HEXD: variants seen among roughly 807,000 people sequenced by gnomAD.
The protein encoded by HEXD is N-acetyl-beta-galactosaminidase.
Under a neutral mutation model 54.2 loss-of-function variants are expected in HEXD, and 47 were observed. The observed-to-expected ratio is 0.87, with a 90% CI of 0.69 to 1.11. HEXD has a LOEUF of 1.11. HEXD is among the 50% of genes least tolerant of loss of function. The probability of loss-of-function intolerance (pLI) is 0.00; values close to 1 mark genes in which losing one functional copy is unlikely to be tolerated. For synonymous variants in HEXD, 293 were observed against 287.6 expected (o/e 1.02, Z -0.19); for missense variants, 576 against 649.2 (o/e 0.89, Z 1.23).
rs1030094107 is a variant in HEXD, at chr17:82,419,731, C to G, written c.-51-18C>G. On this transcript the variant is annotated intron_variant, in intron 1 of 12. Transcript: ENST00000327949. ...GAAGCTTCTGCCCCTGTTGATAACT[C>G]TTGATTTTCTCCACTAGGAAGAAGT... 1.7e-5 allele frequency: 17 copies of G among 985,138 alleles called. No individual in the cohort carries two copies. Among genetic ancestry groups the G allele is most frequent in the Middle Eastern group, 2.1e-4 (1 of 4,734 alleles). The allele number at this position is 985,138 out of a possible 1,614,324, so 61.0% of individuals were successfully genotyped here.
rs1294738871 is a variant in HEXD, at chr17:82,433,092, ATAT to A, written c.283-565_283-563del. ...AAAAAAAAAAGAAAAAAAAAAAAAA[ATAT>A]ATATATATATATATATATATATATA... On this transcript the variant is annotated intron_variant, in intron 4 of 12. Coordinates refer to ENST00000327949, the MANE Select transcript of HEXD (RefSeq NM_001330542.2). Among the ~76,000 whole-genome samples, 40 of 10,326 alleles carry A rather than the reference ATAT, an allele frequency of 3.9e-3. 1 individual carries two copies. The highest frequency in any genetic ancestry group is 4.4e-3 in the Non-Finnish European group (30 of 6,816). 6.8% of individuals were successfully genotyped at this position (10,326 alleles called of 152,430 possible). A position where few individuals can be genotyped will look rare whatever the true frequency, so the allele number is the denominator to read the frequency against.
At position 82,429,058 on chromosome 17, in the gene HEXD, G is replaced by A. The variant is rs138748674; in HGVS notation, c.282+413G>A. ...GTGGATCACCTGAGGTCAGGAGTTC[G>A]AGACCAGCCTGACCAACATGGCGAA... On this transcript the variant is annotated intron_variant, in intron 4 of 12. Coordinates refer to ENST00000327949, the MANE Select transcript of HEXD (RefSeq NM_001330542.2). 3.4e-3 allele frequency among the ~76,000 whole-genome samples: 523 copies of A among 152,170 alleles called. 3 individuals carry two copies. Among genetic ancestry groups the A allele is most frequent in the African/African-American group, 0.012 (496 of 41,508 alleles).
chr17:82,440,880 A>G lies in HEXD; in HGVS notation c.983-117A>G, dbSNP rs1322103438. Reference sequence around the variant, plus strand: ...GGCACACGCGGGGCTGGGCCTGGCCAGTGGCTCTCCATTGCCGCCCGCCCA... The same window carrying G: ...GGCACACGCGGGGCTGGGCCTGGCCGGTGGCTCTCCATTGCCGCCCGCCCA... On this transcript the variant is annotated intron_variant, in intron 9 of 12. Coordinates refer to ENST00000327949, the MANE Select transcript of HEXD (RefSeq NM_001330542.2). The G allele has an allele frequency of 3.4e-6, 4 of 1,167,280 alleles. No homozygotes were observed. The South Asian group carries it at 3.9e-5, about 11-fold the overall frequency. 72.3% of individuals were successfully genotyped at this position (1,167,280 alleles called of 1,614,324 possible).
intron 4 of HEXD, among the ~76,000 whole-genome samples, chr17:82,432,687 C>A (rs2053605874): frequency 6.6e-6 from 1 of 151,948 alleles, no homozygotes; most frequent in South Asian, 2.1e-4. Flanking sequence ...AGTGATCTTC[C>A]CGCTTCAGCC....
Position 82,436,583 on chromosome 17 carries a change from C to G in HEXD, c.632-84C>G, listed in dbSNP as rs1397735789. On this transcript the variant is annotated intron_variant, in intron 6 of 12. Coordinates refer to ENST00000327949, the MANE Select transcript of HEXD (RefSeq NM_001330542.2). ...AAAAAGGTATCTGTGCTCACACTTT[C>G]AAGCAAAACGAGAACAGGTGGGTCC... The G allele has an allele frequency of 1.1e-5, 13 of 1,170,560 alleles. 1 individual carries two copies. The highest frequency in any genetic ancestry group is 1.6e-5 in the Non-Finnish European group (13 of 824,516). The allele number at this position is 1,170,560 out of a possible 1,614,324, so 72.5% of individuals were successfully genotyped here.
chr17:82,442,564 G>T lies in HEXD; in HGVS notation c.*180G>T. ...GGGGAGAGACTAGAAAACACAGAAGGAAGCAGCACAGGGAGACCCGCTTTG... is the reference window on the plus strand; with the variant it reads ...GGGGAGAGACTAGAAAACACAGAAGTAAGCAGCACAGGGAGACCCGCTTTG... On this transcript the variant is annotated 3_prime_UTR_variant, in exon 13 of 13. Transcript: ENST00000327949. This position sits in a 1 kb window ranked among gnomAD's most constrained non-coding sequence, Gnocchi z 6.8. 6.3e-7 allele frequency: 1 copy of T among 1,583,368 alleles called. No homozygotes were observed. Among genetic ancestry groups the T allele is most frequent in the Non-Finnish European group, 8.7e-7 (1 of 1,155,574 alleles).
intron 3 of HEXD, 71 bp from the exon 4 acceptor site, chr17:82,428,487 G>A (rs1372194643): frequency 7.4e-7 from 1 of 1,342,598 alleles, no homozygotes; most frequent in African/African-American, 1.4e-5. Flanking sequence ...GATGAGGAAG[G>A]GCTGGGGGGG....
chr17:82,424,495 C>T lies in HEXD; in HGVS notation c.186C>T (p.Tyr62=), dbSNP rs772438136. 15 of 1,610,160 alleles carry T rather than the reference C, an allele frequency of 9.3e-6. No homozygotes were observed. The Admixed American group carries it at 1.5e-4, about 16-fold the overall frequency. Reference sequence around the variant, plus strand: ...CTCTGAGGCTGCTGAGGGCCAAGTACGCCTACAGGTAACACTGCCCGTGGC... The same window carrying T: ...CTCTGAGGCTGCTGAGGGCCAAGTATGCCTACAGGTAACACTGCCCGTGGC... The part of the protein sequence containing the change: ...EGPLRLLRAK[Y]AYSPSEIKEI... The change falls in exon 3 of 13, where the codon TAC becomes TAT. Residue 62 remains tyrosine, a synonymous_variant. Transcript: ENST00000327949.
chr17:82,442,338 C>T lies in HEXD; in HGVS notation c.1415C>T (p.Pro472Leu), dbSNP rs201872100. Residue 472 changes from proline (P) to leucine (L), a missense_variant, in exon 13 of 13, where the codon CCG becomes CTG. Transcript: ENST00000327949. This position sits in a 1 kb window ranked among gnomAD's most constrained non-coding sequence, Gnocchi z 6.8. ...LQDLSEVSAPPLPPTSPGRDV... is the reference protein window; with the variant it reads ...LQDLSEVSAPLLPPTSPGRDV... ...GACCTCAGCGAGGTGTCTGCCCCCC[C>T]GCTGCCACCCACCAGCCCTGGCAGG... 33 of 1,610,934 alleles carry T rather than the reference C, an allele frequency of 2.0e-5. No homozygotes were observed. In the African/African-American group the frequency reaches 2.1e-4, roughly 10 times the overall value.
chr17:82,429,283 T>G (rs2053509694), intron 4 of HEXD, among the ~76,000 whole-genome samples: 1 of 151,770 alleles, frequency 6.6e-6, no homozygotes, highest in Non-Finnish European at 1.5e-5. Flanking sequence ...ATACACATAT[T>G]CTTTTTCCTG....
In HEXD at chr17:82,439,449, G is replaced by T. The variant is rs372848448; in HGVS notation, c.900-182G>T. On this transcript the variant is annotated intron_variant, in intron 8 of 12. Transcript: ENST00000327949. ...TTTCTAGAACGGAGTTGACATGAGA[G>T]CCCTGCCGCACAGAACCTGTCTTGG... 6.8e-5 allele frequency: 67 copies of T among 985,308 alleles called. 1 individual carries two copies. In the African/African-American group the frequency reaches 1.0e-3, roughly 15 times the overall value. The allele number at this position is 985,308 out of a possible 1,614,324, so 61.0% of individuals were successfully genotyped here. A position where few individuals can be genotyped will look rare whatever the true frequency, so the allele number is the denominator to read the frequency against.
At chr17:82,439,772 CAGG>C in intron 9 of HEXD, 59 bp downstream of exon 9, 1 of 1,597,952 alleles carries the variant, frequency 6.3e-7, no homozygotes, top group Non-Finnish European at 8.5e-7. Flanking sequence ...ACCCGGAGGG[CAGG>C]AGGCCAAGCA....
Position 82,442,522 on chromosome 17 carries a change from G to A in HEXD, c.*138G>A. On this transcript the variant is annotated 3_prime_UTR_variant, in exon 13 of 13. Coordinates refer to ENST00000327949, the MANE Select transcript of HEXD (RefSeq NM_001330542.2). This position sits in a 1 kb window ranked among gnomAD's most constrained non-coding sequence, Gnocchi z 6.8. ...TCTTGCCCACACTCAGTTCCTGAGG[G>A]CCCTGGGCAGCCCCTGGGGGAGAGA... The A allele has an allele frequency of 6.3e-7, 1 of 1,591,582 alleles. No individual in the cohort carries two copies. Among genetic ancestry groups the A allele is most frequent in the Non-Finnish European group, 8.6e-7 (1 of 1,161,712 alleles).
intron 4 of HEXD, among the ~76,000 whole-genome samples, chr17:82,430,826 C>T (rs2053555428): frequency 4.6e-5 from 7 of 152,034 alleles, no homozygotes; most frequent in Admixed American, 3.9e-4. Flanking sequence ...GTATTCTCCC[C>T]CAGTGTAGAG....
chr17:82,418,467 C>T lies in HEXD; in HGVS notation c.-325C>T. ...TTGCCCTCGGGCGCCTTGGTTGCGG[C>T]CCTCCGCTGAGGAGCCATCGGACCA... is the stretch of plus-strand genomic sequence containing the variant. On this transcript the variant is annotated 5_prime_UTR_variant, in exon 1 of 13. Transcript: ENST00000327949. The T allele has an allele frequency of 6.8e-7, 1 of 1,472,228 alleles. No individual in the cohort carries two copies. The allele number at this position is 1,472,228 out of a possible 1,614,324, so 91.2% of individuals were successfully genotyped here.
Position 82,441,355 on chromosome 17 carries a change from G to A in HEXD, c.1163+89G>A, listed in dbSNP as rs2053952402. ...GGGGGCAGGTGTGGGTGGGAGGCAG[G>A]TGCGGGTGAGGGGCAGGTGCAGGTG... On this transcript the variant is annotated intron_variant, in intron 11 of 12. Transcript: ENST00000327949. The A allele has an allele frequency of 3.6e-6, 5 of 1,401,296 alleles. No individual in the cohort carries two copies. The Admixed American group carries it at 7.5e-5, about 21-fold the overall frequency. 86.8% of individuals were successfully genotyped at this position (1,401,296 alleles called of 1,614,324 possible).
Position 82,441,884 on chromosome 17 carries a change from G to T in HEXD, c.1248G>T (p.Ala416=), listed in dbSNP as rs770356516. The part of the protein sequence containing the change: ...PVMVQHIQPA[A]LSLLAQWSTL... ...TGGTTCAGCACATCCAGCCCGCAGC[G>T]CTCAGGTGAGGCCCTGGGCTCTTAT... Residue 416 remains alanine (A), a synonymous_variant, in exon 12 of 13, where the codon GCG becomes GCT. Transcript: ENST00000327949. 1 of 1,612,938 alleles carries T rather than the reference G, an allele frequency of 6.2e-7. No individual in the cohort carries two copies. Among genetic ancestry groups the T allele is most frequent in the Admixed American group, 1.7e-5 (1 of 60,016 alleles).
intron 4 of HEXD, among the ~76,000 whole-genome samples, chr17:82,432,899 T>TA (rs1272368816): frequency 5.5e-5 from 8 of 146,424 alleles, no homozygotes; most frequent in South Asian, 2.2e-4. Flanking sequence ...CCGTCTCTAC[T>TA]AAAACAAAAT....
intron 12 of HEXD, 49 bp downstream of exon 12, chr17:82,441,938 ACTG>A: frequency 6.4e-7 from 1 of 1,561,260 alleles, no homozygotes; most frequent in South Asian, 1.1e-5. Flanking sequence ...TTCCCTGAGA[ACTG>A]CTGCTGTTGC....
Sources: gnomAD v4.1 joint callset for allele counts (sites outside exome capture counted in the v4.1 genomes callset) on GRCh38, gnomAD v4.1.1 for gene constraint, Gnocchi (gnomAD v3.1) non-coding constraint, MANE v1.5 for transcripts, NCBI Gene and HGNC (gene_info 2026-07-23, HGNC 2026-07-21) for gene names.